LRRIQ1: variants seen among roughly 807,000 people sequenced by gnomAD.
LRRIQ1 encodes the protein leucine rich repeats and IQ motif containing 1, also known as leucine-rich repeat- and IQ domain-containing protein 1.
LRRIQ1 carries 210 observed loss-of-function variants against 211.9 expected under a neutral mutation model. The ratio of observed to expected loss-of-function variants is 0.99; its 90% CI spans 0.89 to 1.11. The LOEUF is 1.11. Ranked by LOEUF, LRRIQ1 falls within the 50% of genes most tolerant of loss-of-function variation. The probability of loss-of-function intolerance (pLI) is 0.00; values close to 1 mark genes in which losing one functional copy is unlikely to be tolerated. For synonymous variants in LRRIQ1, 699 were observed against 650.1 expected (o/e 1.08, Z -1.14); for missense variants, 2,136 against 1,939.5 (o/e 1.10, Z -1.90).
At chr12:85,144,552 T>C (rs1337375958) in intron 19 of LRRIQ1, among the ~76,000 whole-genome samples, 1 of 151,560 alleles carries the variant, frequency 6.6e-6, no homozygotes, top group Non-Finnish European at 1.5e-5. Flanking sequence ...TATACTATTT[T>C]GGGCTAAGTG....
downstream of LRRIQ1, among the ~76,000 whole-genome samples, chr12:85,269,404 G>A (rs545736960): frequency 6.6e-6 from 1 of 151,964 alleles, no homozygotes; most frequent in Non-Finnish European, 1.5e-5. Context: ...AATATGAAGC[G>A]ATAACAATCA....
At chr12:85,150,965 G>A (rs1890202763) in intron 19 of LRRIQ1, among the ~76,000 whole-genome samples, 1 of 151,016 alleles carries the variant, frequency 6.6e-6, no homozygotes, top group East Asian at 1.9e-4. Context: ...TTTTTTTTGT[G>A]GTGAGAATGC....
chr12:85,181,195 A>T (rs970504674), intron 24 of LRRIQ1, among the ~76,000 whole-genome samples: 13 of 151,960 alleles, frequency 8.6e-5, no homozygotes, highest in Non-Finnish European at 1.5e-5. Context: ...ATCTAATTAT[A>T]AAAATTAACT....
chr12:85,198,235 A>C lies in LRRIQ1; in HGVS notation c.4823-31282A>C, dbSNP rs1377560076. On this transcript the variant is annotated intron_variant, in intron 24 of 26. Coordinates refer to ENST00000393217, the MANE Select transcript of LRRIQ1 (RefSeq NM_001079910.2). ...GTTGATGGGCATTTAGGTTGGTTCC[A>C]TGTCTTTGTTATTGTGAATAGTGCT... Among the ~76,000 whole-genome samples, 3 of 142,000 alleles carry C rather than the reference A, an allele frequency of 2.1e-5. No individual in the cohort carries two copies. In the East Asian group the frequency reaches 6.1e-4, roughly 29 times the overall value. The allele number at this position is 142,000 out of a possible 152,430, so 93.2% of individuals were successfully genotyped here.
intron 26 of LRRIQ1, among the ~76,000 whole-genome samples, chr12:85,239,881 G>A (rs1196569759): frequency 1.3e-5 from 2 of 151,976 alleles, no homozygotes; most frequent in Admixed American, 1.3e-4. Context: ...AGGAGGCTGG[G>A]ACACAAGAAT....
chr12:85,047,273 T>C lies in LRRIQ1; in HGVS notation c.481T>C (p.Cys161Arg), dbSNP rs1341594510. 6.3e-7 allele frequency: 1 copy of C among 1,599,858 alleles called. No homozygotes were observed. Among genetic ancestry groups the C allele is most frequent in the Non-Finnish European group, 8.5e-7 (1 of 1,176,492 alleles). The stretch of plus-strand genomic sequence containing the variant: ...TGATGCTGATATAAATTTTGGATAC[T>C]GTGAAGTGGAAGAAAAATGTAGACA... ...PDDADINFGY[C>R]EVEEKCRQSF... Residue 161 changes from cysteine to arginine, a missense_variant, in exon 6 of 27, where the codon TGT (cysteine) becomes CGT (arginine). Coordinates refer to ENST00000393217, the MANE Select transcript of LRRIQ1 (RefSeq NM_001079910.2).
intron 11 of LRRIQ1, among the ~76,000 whole-genome samples, chr12:85,074,934 TTA>T (rs563692359): frequency 2.6e-5 from 4 of 152,114 alleles, no homozygotes; most frequent in Non-Finnish European, 4.4e-5. Context: ...TTCTCTTATT[TTA>T]TGTTGAATTT....
chr12:85,233,885 G>A (rs1280891238), intron 26 of LRRIQ1, among the ~76,000 whole-genome samples: 1 of 152,032 alleles, frequency 6.6e-6, no homozygotes, highest in Non-Finnish European at 1.5e-5. Flanking sequence ...GGCCACCTTA[G>A]AGCAAGAATT....
At chr12:85,197,613 G>C (rs1892995144) in intron 24 of LRRIQ1, among the ~76,000 whole-genome samples, 1 of 151,320 alleles carries the variant, frequency 6.6e-6, no homozygotes, top group Non-Finnish European at 1.5e-5. Context: ...TCACTCATAG[G>C]TGGGAACTGA....
At chr12:85,190,915 T>G (rs1343242955) in intron 24 of LRRIQ1, among the ~76,000 whole-genome samples, 3 of 151,976 alleles carry the variant, frequency 2.0e-5, no homozygotes, top group African/African-American at 7.2e-5. Flanking sequence ...GATATTGAGC[T>G]TCTGATTGCA....
chr12:85,263,329 T>C (rs964669477), exon 2 of LRRIQ1: 2 of 152,292 alleles, frequency 1.3e-5, no homozygotes, highest in South Asian at 4.1e-4. Context: ...TTTTTTAGTT[T>C]TAATTTTTAT....
chr12:85,255,350 A>G (rs1239244956), intron 1 of LRRIQ1, among the ~76,000 whole-genome samples: 1 of 151,854 alleles, frequency 6.6e-6, no homozygotes, highest in Non-Finnish European at 1.5e-5. Flanking sequence ...ATCTATGTCA[A>G]TTGTTGCACA....
chr12:85,219,821 A>G (rs1275052490), intron 24 of LRRIQ1, among the ~76,000 whole-genome samples: 1 of 152,142 alleles, frequency 6.6e-6, no homozygotes, highest in African/African-American at 2.4e-5. Context: ...TCACACACAA[A>G]TGGCTCTTAT....
At chr12:85,159,404 G>A (rs1890736668) in intron 23 of LRRIQ1, 1 of 151,892 alleles carries the variant, frequency 6.6e-6, no homozygotes, top group Non-Finnish European at 1.5e-5. Context: ...TCATAATTAT[G>A]TCTGTGGTTG....
chr12:85,119,165 C>G (rs1330942265), intron 15 of LRRIQ1, among the ~76,000 whole-genome samples: 1 of 152,132 alleles, frequency 6.6e-6, no homozygotes, highest in African/African-American at 2.4e-5. Flanking sequence ...TTTGCCTATT[C>G]ATCTCTGCCT....
intron 11 of LRRIQ1, among the ~76,000 whole-genome samples, chr12:85,097,042 T>C (rs904818301): frequency 6.6e-6 from 1 of 152,186 alleles, no homozygotes; most frequent in African/African-American, 2.4e-5. Context: ...TTTGAGCCTA[T>C]ATGTTTTGTT....
intron 19 of LRRIQ1, among the ~76,000 whole-genome samples, chr12:85,146,511 G>C (rs1889903067): frequency 6.6e-6 from 1 of 151,760 alleles, no homozygotes; most frequent in Non-Finnish European, 1.5e-5. Context: ...GTTTGGGACA[G>C]TCCTGCAGAA....
intron 13 of LRRIQ1, among the ~76,000 whole-genome samples, chr12:85,100,163 G>A (rs541724613): frequency 5.7e-4 from 87 of 151,682 alleles, no homozygotes; most frequent in Non-Finnish European, 1.0e-3. Flanking sequence ...TTATAAAAGT[G>A]GACCTCAAGC....
In LRRIQ1 at chr12:85,200,818, A is replaced by AT. The variant is rs746913040; in HGVS notation, c.4823-28690dup. Among the ~76,000 whole-genome samples, 213 of 149,000 alleles carry AT rather than the reference A, an allele frequency of 1.4e-3. 5 individuals carry two copies. The East Asian group carries it at 0.026, about 18-fold the overall frequency. On this transcript the variant is annotated intron_variant, in intron 24 of 26. Transcript: ENST00000393217. Reference sequence around the variant, plus strand: ...TACTTGTTGATCATGATGGCTTAGCATTTTTTTTTCTTTTTTTTTGAGACA... The same window carrying AT: ...TACTTGTTGATCATGATGGCTTAGCATTTTTTTTTTCTTTTTTTTTGAGACA...
Sources: gnomAD v4.1 joint callset for allele counts (sites outside exome capture counted in the v4.1 genomes callset) on GRCh38, gnomAD v4.1.1 for gene constraint, MANE v1.5 for transcripts, NCBI Gene and HGNC (gene_info 2026-07-23, HGNC 2026-07-21) for gene names.